Variants in PAM observed in about 807,000 individuals in gnomAD.
The protein encoded by PAM is peptidyl-glycine alpha-amidating monooxygenase.
A neutral mutation model predicts 122.1 loss-of-function variants in PAM; 72 were observed. That is an observed-to-expected ratio of 0.59 (90% CI 0.49 to 0.72). The LOEUF is 0.72. PAM is among the 30% of genes least tolerant of loss of function. PAM has a pLI of 0.00. For missense variants in PAM, 1,106 were observed against 1,183.7 expected, an observed-to-expected ratio of 0.93 and a Z score of 0.96; for synonymous variants, 389 against 404.4, an observed-to-expected ratio of 0.96 and a Z score of 0.46.
chr5:102,822,741 C>G (rs140835748), intron 1 of PAM, among the ~76,000 whole-genome samples: 64 of 152,216 alleles, frequency 4.2e-4, no homozygotes, highest in African/African-American at 1.5e-3. Context: ...AGAAGATACC[C>G]TTAGAAAGAG....
Position 102,763,854 on chromosome 5 carries a change from G to A in PAM, c.-374+8506G>A, listed in dbSNP as rs149326724. Among the ~76,000 whole-genome samples, 302 of 152,308 alleles carry A rather than the reference G, an allele frequency of 2.0e-3. 5 individuals are homozygous for A. The East Asian group carries it at 0.029, about 15-fold the overall frequency. On this transcript the variant is annotated intron_variant, in intron 1 of 25. Transcript: ENST00000438793. Reference sequence around the variant, plus strand: ...ATGAAGAATTTGGTTTTCCTCATAAGAACATAGGAGAGTGTTTTAGGTCGG... The same window carrying A: ...ATGAAGAATTTGGTTTTCCTCATAAAAACATAGGAGAGTGTTTTAGGTCGG...
At position 102,895,108 on chromosome 5, in the gene PAM, T is replaced by C. The variant is rs35104884; in HGVS notation, c.211-6248T>C. On this transcript the variant is annotated intron_variant, in intron 3 of 25. Transcript: ENST00000438793. ...TGCCACATCTACATGCCCAGTCCAA[T>C]TTAAAACATGTTCCTCTGTCTGTGT... 9.0e-4 allele frequency among the ~76,000 whole-genome samples: 136 copies of C among 151,902 alleles called. No individual in the cohort carries two copies. In the South Asian group the frequency reaches 9.9e-3, roughly 11 times the overall value.
At chr5:102,990,934 T>C (rs1562163164) in intron 16 of PAM, among the ~76,000 whole-genome samples, 1 of 152,218 alleles carries the variant, frequency 6.6e-6, no homozygotes, top group Non-Finnish European at 1.5e-5. Context: ...AGACTACTTT[T>C]ATTACTCAAA....
intron 15 of PAM, among the ~76,000 whole-genome samples, chr5:102,986,080 T>C (rs2150692595): frequency 6.6e-6 from 1 of 152,278 alleles, no homozygotes; most frequent in East Asian, 1.9e-4. Context: ...AGAAGGAATA[T>C]ACTTCTACAT....
intron 14 of PAM, 151 bp from the exon 15 acceptor site, chr5:102,973,964 CT>C (rs1237050253): frequency 2.4e-5 from 13 of 552,456 alleles, no homozygotes; most frequent in Non-Finnish European, 3.5e-5. Context: ...AGGAATTTTT[CT>C]TTTTTTTCCT....
chr5:102,934,704 A>C (rs1032345957), intron 7 of PAM, among the ~76,000 whole-genome samples: 1 of 152,136 alleles, frequency 6.6e-6, no homozygotes, highest in African/African-American at 2.4e-5. Context: ...TAAATCATGT[A>C]CTCTATCACC....
chr5:102,994,523 G>A (rs1019559753), intron 16 of PAM, among the ~76,000 whole-genome samples: 5 of 152,058 alleles, frequency 3.3e-5, no homozygotes, highest in Admixed American at 1.3e-4. Context: ...TATTTGATCA[G>A]TGTTACAATT....
At chr5:102,900,951 G>T (rs73175441) in intron 3 of PAM, among the ~76,000 whole-genome samples, 7,292 of 151,564 alleles carry the variant, frequency 0.048, 364 homozygotes, top group East Asian at 0.18. Context: ...AATATTTGAG[G>T]CATTTGTAAA....
chr5:102,989,593 G>C (rs1373472550), intron 15 of PAM, among the ~76,000 whole-genome samples: 1 of 152,152 alleles, frequency 6.6e-6, no homozygotes, highest in Non-Finnish European at 1.5e-5. Context: ...TTCAGTCACA[G>C]AGTTTCTGTC....
chr5:102,941,113 A>G (rs530921294), intron 7 of PAM, among the ~76,000 whole-genome samples: 1 of 152,350 alleles, frequency 6.6e-6, no homozygotes, highest in South Asian at 2.1e-4. Context: ...CATTCATAAA[A>G]GATGGAAACA....
chr5:102,784,358 G>T (rs1759922129), intron 1 of PAM, among the ~76,000 whole-genome samples: 2 of 152,138 alleles, frequency 1.3e-5, no homozygotes, highest in African/African-American at 2.4e-5. Context: ...GCGCTTTTCA[G>T]TTTCCCCCCT....
chr5:102,787,234 T>G (rs563831107), intron 1 of PAM, among the ~76,000 whole-genome samples: 2 of 152,102 alleles, frequency 1.3e-5, no homozygotes, highest in Admixed American at 6.6e-5. Flanking sequence ...GAAGAATAGA[T>G]GTAGTTCTTG....
intron 4 of PAM, among the ~76,000 whole-genome samples, chr5:102,907,200 G>A (rs945301804): frequency 4.0e-5 from 6 of 151,636 alleles, no homozygotes; most frequent in African/African-American, 1.5e-4. Flanking sequence ...CATACTAGCA[G>A]GAATTAATGA....
chr5:102,880,748 C>T (rs1790709042), intron 3 of PAM, among the ~76,000 whole-genome samples: 1 of 151,362 alleles, frequency 6.6e-6, no homozygotes, highest in South Asian at 2.1e-4. Context: ...AATACAAATA[C>T]AAAGTCAACT....
chr5:102,908,029 G>A (rs916253005), intron 4 of PAM, among the ~76,000 whole-genome samples: 19 of 151,670 alleles, frequency 1.3e-4, no homozygotes, highest in Admixed American at 2.6e-4. Context: ...TTGGTGTTTT[G>A]GACATGAAGT....
At chr5:102,771,501 A>G (rs1755768904) in intron 1 of PAM, among the ~76,000 whole-genome samples, 1 of 152,126 alleles carries the variant, frequency 6.6e-6, no homozygotes, top group African/African-American at 2.4e-5. Context: ...CAACTTTGCA[A>G]TGTTTACCAA....
At chr5:102,934,817 TTC>T (rs1752747159) in intron 7 of PAM, among the ~76,000 whole-genome samples, 1 of 152,224 alleles carries the variant, frequency 6.6e-6, no homozygotes, top group South Asian at 2.1e-4. Flanking sequence ...TATCATCATA[TTC>T]ATTCAAGTCA....
chr5:102,768,481 C>G (rs1754784625), intron 1 of PAM, among the ~76,000 whole-genome samples: 1 of 129,456 alleles, frequency 7.7e-6, no homozygotes, highest in Non-Finnish European at 1.7e-5. Flanking sequence ...CATCCCAACT[C>G]CCCCTCTAAC....
intron 16 of PAM, among the ~76,000 whole-genome samples, chr5:102,990,834 A>C (rs1773855141): frequency 6.6e-6 from 1 of 152,228 alleles, no homozygotes; most frequent in Non-Finnish European, 1.5e-5. Context: ...GTGCAGAACT[A>C]TGCCAAGACC....
Sources: allele counts gnomAD v4.1 joint callset (sites outside exome capture counted in the v4.1 genomes callset), GRCh38; gene constraint gnomAD v4.1.1; transcripts MANE v1.5; gene names NCBI Gene and HGNC (gene_info 2026-07-23, HGNC 2026-07-21).